The following TTPAL variants were observed in gnomAD, a reference collection of about 807,000 sequenced individuals.
The protein encoded by TTPAL is alpha tocopherol transfer protein like.
In TTPAL, 21 loss-of-function variants were observed where a neutral mutation model predicts 28.7. The observed-to-expected ratio is 0.73, with a 90% CI of 0.52 to 1.06. The LOEUF is 1.06. TTPAL is among the 50% of genes least tolerant of loss of function. The pLI, the probability that TTPAL is intolerant of heterozygous loss-of-function variation, is 0.00. For synonymous variants in TTPAL, 169 were observed against 171.9 expected (o/e 0.98, Z 0.13); for missense variants, 345 against 425.5 (o/e 0.81, Z 1.67).
intron 3 of TTPAL, chr20:44,486,229 G>C (rs1466817470): frequency 1.3e-5 from 2 of 156,504 alleles, no homozygotes; most frequent in African/African-American, 4.8e-5. Flanking sequence ...TTATAGACAC[G>C]TGCCACCATG....
Position 44,477,537 on chromosome 20 carries a change from C to G in TTPAL, c.-16+1546C>G, listed in dbSNP as rs532220626. On this transcript the variant is annotated intron_variant, in intron 1 of 4. Transcript: ENST00000262605. The stretch of plus-strand genomic sequence containing the variant: ...CCAGCATCTCTCAGCTGGATTATTG[C>G]AATAGCCTCTAAATGGTCTGCTTCA... Among the ~76,000 whole-genome samples the G allele has an allele frequency of 6.6e-5, 10 of 152,264 alleles. No homozygotes were observed. The South Asian group carries it at 2.1e-3, about 32-fold the overall frequency.
chr20:44,476,575 A>T (rs1389851860), intron 1 of TTPAL, among the ~76,000 whole-genome samples: 2 of 152,246 alleles, frequency 1.3e-5, no homozygotes, highest in African/African-American at 4.8e-5. Context: ...ATGGCAGACA[A>T]GCCCTCTGCC....
intron 1 of TTPAL, chr20:44,478,560 T>C (rs1173360229): frequency 6.6e-6 from 1 of 152,244 alleles, no homozygotes; most frequent in African/African-American, 2.4e-5. Context: ...CATGGGTGTG[T>C]AGTAAAAAAT....
In TTPAL at chr20:44,489,772, C is replaced by T. The variant is rs949180738; in HGVS notation, c.*231C>T. ...CCACTGATTCTTAAACATTTGGAAT[C>T]CCAGTCTGCAACTATTAATCTGGAG... On this transcript the variant is annotated 3_prime_UTR_variant, in exon 5 of 5. Transcript: ENST00000262605. 2.5e-5 allele frequency: 13 copies of T among 526,482 alleles called. No individual in the cohort carries two copies. The highest frequency in any genetic ancestry group is 1.2e-4 in the East Asian group (4 of 32,076). The allele number at this position is 526,482 out of a possible 1,614,324, so 32.6% of individuals were successfully genotyped here. A position where few individuals can be genotyped will look rare whatever the true frequency, so the allele number is the denominator to read the frequency against.
At chr20:44,477,490 G>A (rs1023601202) in intron 1 of TTPAL, among the ~76,000 whole-genome samples, 6 of 152,072 alleles carry the variant, frequency 3.9e-5, no homozygotes, top group Non-Finnish European at 7.4e-5. Flanking sequence ...GGGGGTCAGT[G>A]AAGGCTACCT....
intron 1 of TTPAL, among the ~76,000 whole-genome samples, 166 bp downstream of exon 1, chr20:44,476,157 C>T (rs911882641): frequency 6.6e-6 from 1 of 151,850 alleles, no homozygotes; most frequent in Non-Finnish European, 1.5e-5. Flanking sequence ...AGGTTGTCCA[C>T]GGGATATGGG....
rs908278734 is a variant in TTPAL, at chr20:44,490,348, G to A, written c.*807G>A. 2 of 152,300 alleles carry A rather than the reference G, an allele frequency of 1.3e-5. No homozygotes were observed. Among genetic ancestry groups the A allele is most frequent in the African/African-American group, 4.8e-5 (2 of 41,420 alleles). The allele number at this position is 152,300 out of a possible 1,614,324, so 9.4% of individuals were successfully genotyped here. A position where few individuals can be genotyped will look rare whatever the true frequency, so the allele number is the denominator to read the frequency against. On this transcript the variant is annotated 3_prime_UTR_variant, in exon 5 of 5. Transcript: ENST00000262605. ...ATAAGAATTCTGGCCTGGATCCCAG[G>A]TGTACAACTATGGACAAGATATGGG...
intron 1 of TTPAL, among the ~76,000 whole-genome samples, chr20:44,477,773 A>T (rs2064059340): frequency 6.6e-6 from 1 of 151,636 alleles, no homozygotes; most frequent in Non-Finnish European, 1.5e-5. Flanking sequence ...TCCTGCTTCA[A>T]CCTCCCAAGT....
In TTPAL at chr20:44,485,067, C is replaced by T. The variant is rs141036194; in HGVS notation, c.639+537C>T. Among the ~76,000 whole-genome samples, 294 of 152,198 alleles carry T rather than the reference C, an allele frequency of 1.9e-3. 1 individual carries two copies. Among genetic ancestry groups the T allele is most frequent in the African/African-American group, 6.5e-3 (270 of 41,510 alleles). ...GGCGGAGGTTGCAGTGAGCTGAGAT[C>T]GCGCCATTGCACTCCAGCCTGGGTG... On this transcript the variant is annotated intron_variant, in intron 3 of 4. Transcript: ENST00000262605.
chr20:44,489,234 ATG>A (rs769342436), intron 4 of TTPAL, 27 bp from the exon 5 acceptor site: 3 of 1,601,234 alleles, frequency 1.9e-6, no homozygotes, highest in Non-Finnish European at 2.6e-6. Context: ...ACCTAAGGAC[ATG>A]TGTGTTTTCA....
intron 2 of TTPAL, among the ~76,000 whole-genome samples, chr20:44,483,657 A>G (rs1484209509): frequency 6.6e-6 from 1 of 152,220 alleles, no homozygotes; most frequent in South Asian, 2.1e-4. Context: ...GGCAGAAAGC[A>G]CAGATGTCCA....
At chr20:44,478,880 C>T (rs1247256281) in intron 1 of TTPAL, among the ~76,000 whole-genome samples, 1 of 152,166 alleles carries the variant, frequency 6.6e-6, no homozygotes, top group Non-Finnish European at 1.5e-5. Flanking sequence ...AGCTCTGCCT[C>T]CCGGGTTCAC....
chr20:44,488,678 T>C (rs1184730617), intron 4 of TTPAL, among the ~76,000 whole-genome samples: 1 of 151,850 alleles, frequency 6.6e-6, no homozygotes, highest in African/African-American at 2.4e-5. Flanking sequence ...AGTGAGAGAG[T>C]GAGCCATCTA....
rs554818138 is a variant in TTPAL at position 44,477,631 on chromosome 20, T to C, written c.-16+1640T>C. The stretch of plus-strand genomic sequence containing the variant: ...CCTTTTAAAATATATTTTTATTTAT[T>C]TATCTATCTATCTATTTATTTATTT... On this transcript the variant is annotated intron_variant, in intron 1 of 4. Coordinates refer to ENST00000262605, the MANE Select transcript of TTPAL (RefSeq NM_001039199.3). Among the ~76,000 whole-genome samples the C allele has an allele frequency of 8.6e-4, 127 of 147,948 alleles. No homozygotes were observed. The South Asian group carries it at 0.015, about 18-fold the overall frequency.
At chr20:44,482,203 G>A (rs796314527) in intron 2 of TTPAL, among the ~76,000 whole-genome samples, 16 of 152,234 alleles carry the variant, frequency 1.1e-4, no homozygotes, top group African/African-American at 3.9e-4. Context: ...TGGCAGCAAC[G>A]TTAGACAGCA....
intron 2 of TTPAL, among the ~76,000 whole-genome samples, chr20:44,482,472 C>T (rs2064114944): frequency 6.8e-6 from 1 of 147,200 alleles, no homozygotes; most frequent in Admixed American, 6.9e-5. Flanking sequence ...ACCCCGGAGG[C>T]TGAGGCAGGA....
intron 2 of TTPAL, 117 bp from the exon 3 acceptor site, chr20:44,484,220 C>A: frequency 5.8e-6 from 4 of 686,104 alleles, no homozygotes. Context: ...GTCATGGCTA[C>A]TAGAATATCT....
chr20:44,478,362 T>G (rs887100323), intron 1 of TTPAL, among the ~76,000 whole-genome samples: 5 of 152,342 alleles, frequency 3.3e-5, no homozygotes, highest in African/African-American at 1.2e-4. Context: ...AAGCAAACGC[T>G]GCCTGTTAGA....
chr20:44,476,518 G>A (rs1215989757), intron 1 of TTPAL, among the ~76,000 whole-genome samples: 2 of 152,230 alleles, frequency 1.3e-5, no homozygotes, highest in Admixed American at 6.5e-5. Flanking sequence ...CTCCGCTGAT[G>A]TGTACAGACC....
Sources: allele counts gnomAD v4.1 joint callset (sites outside exome capture counted in the v4.1 genomes callset), GRCh38; gene constraint gnomAD v4.1.1; transcripts MANE v1.5; gene names NCBI Gene and HGNC (gene_info 2026-07-23, HGNC 2026-07-21).